The following GNAL variants were observed in gnomAD, a reference collection of about 807,000 sequenced individuals.
The protein encoded by GNAL is G protein subunit alpha L, also known as guanine nucleotide-binding protein G(olf) subunit alpha.
GNAL carries 18 observed loss-of-function variants against 55.1 expected under a neutral mutation model. That is an observed-to-expected ratio of 0.33 (90% CI 0.23 to 0.48). The LOEUF (loss-of-function observed/expected upper bound fraction) is 0.48. GNAL is among the 20% of genes least tolerant of loss of function. The pLI, the probability that GNAL is intolerant of heterozygous loss-of-function variation, is 0.99. For synonymous variants in GNAL, 253 were observed against 237.0 expected (o/e 1.07, Z -0.62); for missense variants, 412 against 614.1 (o/e 0.67, Z 3.48).
chr18:11,700,493 G>T (rs1006081295), intron 1 of GNAL, among the ~76,000 whole-genome samples: 3 of 152,214 alleles, frequency 2.0e-5, no homozygotes, highest in Admixed American at 6.5e-5. Context: ...CAGGATTGTT[G>T]CCCAGCTGTT....
intron 4 of GNAL, among the ~76,000 whole-genome samples, chr18:11,762,012 C>T (rs1235128556): frequency 6.6e-6 from 1 of 152,184 alleles, no homozygotes; most frequent in Non-Finnish European, 1.5e-5. Flanking sequence ...ACAGAAGTCC[C>T]ACTTTGCAGA....
At chr18:11,838,737 A>G (rs898721036) in intron 5 of GNAL, among the ~76,000 whole-genome samples, 2 of 152,244 alleles carry the variant, frequency 1.3e-5, no homozygotes, top group African/African-American at 4.8e-5. Context: ...TATGAGATCC[A>G]TAGCATTTCA....
chr18:11,790,259 AT>A (rs1202739008), intron 4 of GNAL, among the ~76,000 whole-genome samples: 2 of 152,056 alleles, frequency 1.3e-5, no homozygotes, highest in Non-Finnish European at 2.9e-5. Flanking sequence ...TCTGCACACC[AT>A]TGTTGGGACA....
Position 11,864,586 on chromosome 18 carries a change from A to G in GNAL, c.831A>G (p.Gln277=). Residue 277 remains glutamine (Q), a synonymous_variant, in exon 7 of 12, where the codon CAA becomes CAG. Transcript: ENST00000334049. ...CTGGGATTTTTGAGACACGATTCCA[A>G]GTGGACAAAGTAAACTTCCAGTGAG... ...LTSGIFETRF[Q]VDKVNFHMFD... is the part of the protein sequence containing the mutation. 6.4e-7 allele frequency: 1 copy of G among 1,572,836 alleles called. No homozygotes were observed. The highest frequency in any genetic ancestry group is 1.1e-5 in the South Asian group (1 of 90,198).
At chr18:11,706,413 G>A (rs2031713579) in intron 1 of GNAL, among the ~76,000 whole-genome samples, 1 of 152,134 alleles carries the variant, frequency 6.6e-6, no homozygotes, top group Non-Finnish European at 1.5e-5. Context: ...CTTTGCTGGT[G>A]GAAGGTCTTG....
Position 11,778,127 on chromosome 18 carries a change from A to G in GNAL, c.624+24182A>G, listed in dbSNP as rs565607835. Among the ~76,000 whole-genome samples, 207 of 152,258 alleles carry G rather than the reference A, an allele frequency of 1.4e-3. 2 individuals carry two copies. Among genetic ancestry groups the G allele is most frequent in the Non-Finnish European group, 2.7e-3 (181 of 68,020 alleles). On this transcript the variant is annotated intron_variant, in intron 4 of 11. Transcript: ENST00000334049. ...GAGGGACTCTCATACTTACCCATAC[A>G]TATGTATGGTGAATAGTGACTGTTG... is the stretch of plus-strand genomic sequence containing the variant.
chr18:11,793,530 T>A (rs761173301), intron 4 of GNAL, among the ~76,000 whole-genome samples: 1 of 151,900 alleles, frequency 6.6e-6, no homozygotes, highest in Non-Finnish European at 1.5e-5. Flanking sequence ...TGCAGTGAGC[T>A]ATGATTGTGC....
chr18:11,821,680 C>T (rs2035094286), intron 4 of GNAL, among the ~76,000 whole-genome samples: 1 of 152,228 alleles, frequency 6.6e-6, no homozygotes, highest in South Asian at 2.1e-4. Context: ...AGGATCCCAG[C>T]CCCGCTGGGC....
intron 7 of GNAL, among the ~76,000 whole-genome samples, chr18:11,865,009 C>T (rs1436321381): frequency 6.6e-6 from 1 of 152,088 alleles, no homozygotes; most frequent in Non-Finnish European, 1.5e-5. Context: ...TCATTTTGCT[C>T]CCTCATGATA....
chr18:11,740,689 C>G (rs1045270409), intron 1 of GNAL, among the ~76,000 whole-genome samples: 1 of 152,230 alleles, frequency 6.6e-6, no homozygotes, highest in Non-Finnish European at 1.5e-5. Flanking sequence ...CAACATAACA[C>G]ATTTCTTCAT....
chr18:11,835,723 G>C (rs907412578), intron 5 of GNAL, among the ~76,000 whole-genome samples: 17 of 152,296 alleles, frequency 1.1e-4, no homozygotes, highest in Admixed American at 1.0e-3. Flanking sequence ...AGACGTGTGT[G>C]TCAGGTTTTA....
chr18:11,876,078 A>G (rs909852827), intron 10 of GNAL, among the ~76,000 whole-genome samples: 12 of 152,238 alleles, frequency 7.9e-5, no homozygotes, highest in Non-Finnish European at 1.5e-4. Context: ...TTAGCAGTCA[A>G]CATATGAATT....
At chr18:11,705,827 C>G (rs2031696869) in intron 1 of GNAL, among the ~76,000 whole-genome samples, 1 of 148,934 alleles carries the variant, frequency 6.7e-6, no homozygotes, top group Admixed American at 6.8e-5. Flanking sequence ...ACGATTTCGG[C>G]TCACTGCAAC....
intron 1 of GNAL, among the ~76,000 whole-genome samples, chr18:11,710,203 T>C (rs946743151): frequency 3.9e-5 from 6 of 152,178 alleles, no homozygotes; most frequent in African/African-American, 1.4e-4. Flanking sequence ...TTATTAAGGA[T>C]TTTTGCTTCT....
chr18:11,747,417 T>G (rs1007093374), intron 1 of GNAL: 2 of 174,604 alleles, frequency 1.1e-5, no homozygotes, highest in African/African-American at 4.8e-5. Flanking sequence ...CCCTTCAATA[T>G]CCTAAAGCCA....
Position 11,862,309 on chromosome 18 carries a change from T to C in GNAL, c.723-86T>C, listed in dbSNP as rs371542953. On this transcript the variant is annotated intron_variant, in intron 5 of 11. Transcript: ENST00000334049. ...TGGCCTGCCCCCATCCTTGCTGTAC[T>C]TGGGTGATGTCCCATTAATTTCTCC... 320 of 996,256 alleles carry C rather than the reference T, an allele frequency of 3.2e-4. 5 individuals are homozygous for C. The highest frequency in any genetic ancestry group is 2.6e-3 in the South Asian group (202 of 77,320). 61.7% of individuals were successfully genotyped at this position (996,256 alleles called of 1,614,324 possible).
At chr18:11,691,115 G>C (rs35424428) in intron 1 of GNAL, among the ~76,000 whole-genome samples, 50,584 of 147,890 alleles carry the variant, frequency 0.34, 11,890 homozygotes, top group African/African-American at 0.69. Flanking sequence ...ATCCTCTCCA[G>C]CACCTGTTGT....
chr18:11,704,707 G>T (rs534979807), intron 1 of GNAL, among the ~76,000 whole-genome samples: 3 of 152,040 alleles, frequency 2.0e-5, no homozygotes, highest in Admixed American at 6.6e-5. Context: ...CCTTATCAAA[G>T]CTTGCTCATA....
chr18:11,850,499 C>T (rs150645573), intron 5 of GNAL, among the ~76,000 whole-genome samples: 1 of 152,264 alleles, frequency 6.6e-6, no homozygotes, highest in Non-Finnish European at 1.5e-5. Context: ...AGAAAAGTGA[C>T]AGCACACATT....
Sources: gnomAD v4.1 joint callset for allele counts (sites outside exome capture counted in the v4.1 genomes callset) on GRCh38, gnomAD v4.1.1 for gene constraint, MANE v1.5 for transcripts, NCBI Gene and HGNC (gene_info 2026-07-23, HGNC 2026-07-21) for gene names.